MRPL45: variants seen among roughly 807,000 people sequenced by gnomAD.
The protein encoded by MRPL45 is large ribosomal subunit protein mL45.
A neutral mutation model predicts 38.1 loss-of-function variants in MRPL45; 20 were observed. The observed-to-expected ratio is 0.53, with a 90% CI of 0.37 to 0.76. MRPL45 has a LOEUF of 0.76. Ranked by LOEUF, MRPL45 falls within the 30% of genes least tolerant of loss-of-function variation. The probability of loss-of-function intolerance (pLI) is 0.00; values close to 1 mark genes in which losing one functional copy is unlikely to be tolerated. For missense variants in MRPL45, 337 were observed against 395.6 expected, an observed-to-expected ratio of 0.85 and a Z score of 1.26; for synonymous variants, 105 against 128.8, an observed-to-expected ratio of 0.82 and a Z score of 1.25.
Position 38,298,618 on chromosome 17 carries a change from C to T in MRPL45, c.236C>T (p.Ala79Val), listed in dbSNP as rs779136593. The T allele has an allele frequency of 2.6e-5, 42 of 1,609,970 alleles. No homozygotes were observed. The African/African-American group carries it at 5.2e-4, about 20-fold the overall frequency. Residue 79 changes from alanine (A) to valine (V), a missense_variant, in exon 2 of 8, where the codon GCC becomes GTC. Ala to Val is a moderately conservative substitution (Grantham distance 64). This residue lies in a region of MRPL45 where 60 missense variants were observed against 109.6 expected (regional missense o/e 0.55). Coordinates refer to ENST00000613675, the MANE Select transcript of MRPL45 (RefSeq NM_032351.6). ...PEKSDRSIHL[A>V]CTAGIFDAYV... Reference sequence around the variant, plus strand: ...AAATCGGACCGTTCCATACATCTGGCCTGTACAGGTGAGGTATTTCTGGGA... The same window carrying T: ...AAATCGGACCGTTCCATACATCTGGTCTGTACAGGTGAGGTATTTCTGGGA...
chr17:38,297,938 A>C (rs2036953500), intron 1 of MRPL45, among the ~76,000 whole-genome samples: 1 of 152,136 alleles, frequency 6.6e-6, no homozygotes, highest in East Asian at 1.9e-4. Flanking sequence ...CTTTACAAAA[A>C]AATTTTAAAA....
intron 4 of MRPL45, among the ~76,000 whole-genome samples, chr17:38,310,398 C>T (rs547259772): frequency 1.2e-4 from 18 of 151,312 alleles, no homozygotes; most frequent in Admixed American, 7.9e-4. Flanking sequence ...GTGTGATCTC[C>T]GCTCACTGCA....
At chr17:38,305,545 G>A (rs1237133828) in intron 3 of MRPL45, among the ~76,000 whole-genome samples, 1 of 150,420 alleles carries the variant, frequency 6.6e-6, no homozygotes, top group Non-Finnish European at 1.5e-5. Flanking sequence ...TTCCCAGGCT[G>A]GAGTGCAGTG....
At chr17:38,308,942 C>G (rs2037080959) in intron 4 of MRPL45, among the ~76,000 whole-genome samples, 1 of 150,210 alleles carries the variant, frequency 6.7e-6, no homozygotes, top group Admixed American at 6.7e-5. Flanking sequence ...GAGTCTCGCT[C>G]TGTCACCAGG....
intron 4 of MRPL45, 118 bp downstream of exon 4, chr17:38,306,749 A>G: frequency 9.4e-7 from 1 of 1,065,414 alleles, no homozygotes; most frequent in Non-Finnish European, 1.4e-6. Flanking sequence ...CCTTCAGGTA[A>G]GAGATCTAGA....
intron 6 of MRPL45, among the ~76,000 whole-genome samples, chr17:38,321,263 T>C (rs2037226861): frequency 6.6e-6 from 1 of 152,082 alleles, no homozygotes; most frequent in African/African-American, 2.4e-5. Flanking sequence ...GCATGAGCCA[T>C]TGTGCCCCAC....
At chr17:38,314,296 G>A (rs1405252597) in intron 4 of MRPL45, among the ~76,000 whole-genome samples, 2 of 151,996 alleles carry the variant, frequency 1.3e-5, no homozygotes, top group African/African-American at 4.8e-5. Context: ...TAGAGACAGG[G>A]TTTCACCATG....
rs534116971 is a variant in MRPL45 at position 38,319,905 on chromosome 17, AT to A, written c.511-712del. On this transcript the variant is annotated intron_variant, in intron 5 of 7. Transcript: ENST00000613675. ...ATCACGAGGTCAGGAGATCAAGACCATCCTGGCTAACATGGTGAAACCCCGT... is the reference window on the plus strand; with the variant it reads ...ATCACGAGGTCAGGAGATCAAGACCACCTGGCTAACATGGTGAAACCCCGT... Among the ~76,000 whole-genome samples the A allele has an allele frequency of 1.8e-3, 273 of 152,288 alleles. 2 individuals are homozygous for A. Among genetic ancestry groups the A allele is most frequent in the African/African-American group, 6.4e-3 (266 of 41,558 alleles).
chr17:38,300,701 C>T (rs2036985306), intron 3 of MRPL45, among the ~76,000 whole-genome samples: 1 of 152,114 alleles, frequency 6.6e-6, no homozygotes, highest in Admixed American at 6.5e-5. Context: ...AATCCCAGCA[C>T]TTTGGGAGGC....
intron 5 of MRPL45, 81 bp downstream of exon 5, chr17:38,318,816 TC>T: frequency 3.5e-6 from 3 of 859,884 alleles, no homozygotes; most frequent in Non-Finnish European, 5.3e-6. Context: ...TCTTTTCTTT[TC>T]TTTTCTTTTC....
At chr17:38,311,562 T>C (rs2037111622) in intron 4 of MRPL45, among the ~76,000 whole-genome samples, 1 of 151,984 alleles carries the variant, frequency 6.6e-6, no homozygotes, top group Admixed American at 6.6e-5. Flanking sequence ...GGCGTGTACC[T>C]GTAGTCCCGG....
At chr17:38,308,426 CATT>C (rs911727521) in intron 4 of MRPL45, among the ~76,000 whole-genome samples, 4 of 47,414 alleles carry the variant, frequency 8.4e-5, no homozygotes, top group African/African-American at 1.5e-4. Context: ...TTTCTCAAAA[CATT>C]GTTTTTTTTT....
intron 4 of MRPL45, among the ~76,000 whole-genome samples, chr17:38,310,592 G>C (rs894305533): frequency 1.3e-5 from 2 of 152,114 alleles, no homozygotes; most frequent in Non-Finnish European, 2.9e-5. Flanking sequence ...GCCTCCCAAA[G>C]TGCTGGGATT....
At chr17:38,312,038 TA>T (rs1056596862) in intron 4 of MRPL45, among the ~76,000 whole-genome samples, 5 of 151,708 alleles carry the variant, frequency 3.3e-5, no homozygotes, top group African/African-American at 9.7e-5. Flanking sequence ...ATTTTATTTT[TA>T]TTTTTTTATC....
Position 38,312,506 on chromosome 17 carries a change from C to T in MRPL45, c.461+5875C>T, listed in dbSNP as rs146837723. On this transcript the variant is annotated intron_variant, in intron 4 of 7. Coordinates refer to ENST00000613675, the MANE Select transcript of MRPL45 (RefSeq NM_032351.6). The stretch of plus-strand genomic sequence containing the variant: ...TGGTGTACAAGTATCTGTTTGAGCT[C>T]GTGCTTTCAATTCATTTGGGTATAT... Among the ~76,000 whole-genome samples the T allele has an allele frequency of 9.2e-5, 14 of 152,052 alleles. No homozygotes were observed. The East Asian group carries it at 2.1e-3, about 23-fold the overall frequency.
chr17:38,320,912 C>T, intron 6 of MRPL45, 145 bp downstream of exon 6: 1 of 744,180 alleles, frequency 1.3e-6, no homozygotes, highest in African/African-American at 1.7e-5. Flanking sequence ...GTGCCGCTGT[C>T]CCCTTCCCAC....
intron 5 of MRPL45, among the ~76,000 whole-genome samples, chr17:38,318,997 TTTTATTTATTTA>T (rs575783313): frequency 0.021 from 2,683 of 127,414 alleles, 61 homozygotes; most frequent in African/African-American, 0.071. Context: ...CCAGCTAATT[TTTTATTTATTTA>T]TTTATTTATT....
At chr17:38,299,799 C>T (rs181093894) in intron 3 of MRPL45, among the ~76,000 whole-genome samples, 4 of 151,658 alleles carry the variant, frequency 2.6e-5, no homozygotes, top group Admixed American at 6.6e-5. Context: ...TGCAATGGCA[C>T]GATCTTGGCT....
intron 4 of MRPL45, among the ~76,000 whole-genome samples, chr17:38,318,177 C>T (rs1463670829): frequency 2.1e-5 from 3 of 142,612 alleles, no homozygotes; most frequent in South Asian, 4.6e-4. Flanking sequence ...CACTGCACTC[C>T]AGCCTGGCGA....
Sources: allele counts gnomAD v4.1 joint callset (sites outside exome capture counted in the v4.1 genomes callset), GRCh38; gene constraint gnomAD v4.1.1; regional missense constraint gnomAD v4.1.1; transcripts MANE v1.5; gene names NCBI Gene and HGNC (gene_info 2026-07-23, HGNC 2026-07-21).